The following SORCS2 variants were observed in gnomAD, a reference collection of about 807,000 sequenced individuals.
SORCS2 encodes the protein sortilin related VPS10 domain containing receptor 2.
In SORCS2, 100 loss-of-function variants were observed where a neutral mutation model predicts 141.6. The ratio of observed to expected loss-of-function variants is 0.71; its 90% confidence interval spans 0.60 to 0.83. The LOEUF is 0.83. Ranked by LOEUF, SORCS2 falls within the 40% of genes least tolerant of loss-of-function variation. The pLI, the probability that SORCS2 is intolerant of heterozygous loss-of-function variation, is 0.00. For synonymous variants in SORCS2, 789 were observed against 676.9 expected, an observed-to-expected ratio of 1.17 and a Z score of -2.57; for missense variants, 1,646 against 1,560.2, an observed-to-expected ratio of 1.05 and a Z score of -0.93.
At chr4:7,696,876 G>A (rs561558183) in intron 11 of SORCS2, among the ~76,000 whole-genome samples, 10 of 152,292 alleles carry the variant, frequency 6.6e-5, no homozygotes, top group South Asian at 4.1e-4. Flanking sequence ...CCTGGCCCAC[G>A]TCCTCTCCAG....
At chr4:7,528,119 TGC>T (rs1249959766) in intron 2 of SORCS2, among the ~76,000 whole-genome samples, 22 of 30,324 alleles carry the variant, frequency 7.3e-4, no homozygotes, top group Non-Finnish European at 1.2e-3. Context: ...GTGTCCACGC[TGC>T]CCATGGATTC....
rs60976971 is a variant in SORCS2, at chr4:7,328,018, CT to C, written c.481-68245del. ...ACTGTGTGCTGAGCCTCGTGCTAGG[CT>C]TTTTTTTTTTTTTTTTTTTTTTTTG... On this transcript the variant is annotated intron_variant, in intron 1 of 26. Transcript: ENST00000507866. Among the ~76,000 whole-genome samples the C allele has an allele frequency of 8.3e-3, 731 of 88,532 alleles. 5 individuals carry two copies. Among genetic ancestry groups the C allele is most frequent in the African/African-American group, 0.017 (417 of 23,968 alleles). The allele number at this position is 88,532 out of a possible 152,430, so 58.1% of individuals were successfully genotyped here.
intron 1 of SORCS2, among the ~76,000 whole-genome samples, chr4:7,338,161 TTGGATGGATGGA>T (rs202176320): frequency 9.9e-6 from 1 of 100,948 alleles, no homozygotes; most frequent in African/African-American, 4.1e-5. Flanking sequence ...TGGATGTTGG[TTGGATGGATGGA>T]TGGATGGATG....
chr4:7,584,192 G>T (rs1043110835), intron 3 of SORCS2, among the ~76,000 whole-genome samples: 6 of 152,334 alleles, frequency 3.9e-5, no homozygotes, highest in East Asian at 1.9e-4. Context: ...ATCATTATTA[G>T]TAGTAGTAAC....
At chr4:7,507,385 G>C (rs1732334853) in intron 2 of SORCS2, among the ~76,000 whole-genome samples, 2 of 152,162 alleles carry the variant, frequency 1.3e-5, no homozygotes, top group Non-Finnish European at 1.5e-5. Flanking sequence ...GTGTTAGCCA[G>C]GATGGTCTCG....
intron 1 of SORCS2, among the ~76,000 whole-genome samples, chr4:7,296,476 A>AG (rs1476785962): frequency 1.3e-5 from 2 of 152,096 alleles, no homozygotes; most frequent in Non-Finnish European, 2.9e-5. Flanking sequence ...AGAGACAGAG[A>AG]GGGTTGGGGC....
rs1374809294 is a variant in SORCS2 at position 7,734,268 on chromosome 4, G to A, written c.3209-4G>A. 6.3e-7 allele frequency: 1 copy of A among 1,592,668 alleles called. No homozygotes were observed. The highest frequency in any genetic ancestry group is 1.1e-5 in the South Asian group (1 of 87,020). On this transcript the variant is annotated splice_polypyrimidine_tract_variant and splice_region_variant and intron_variant, in intron 24 of 26. Transcript: ENST00000507866. ...TCCTCCACTGACAACCGCTTTGCTT[G>A]CAGGTGCTGAGCAGCTGGGCGGCGG...
chr4:7,318,236 G>A (rs1490693313), intron 1 of SORCS2, among the ~76,000 whole-genome samples: 1 of 152,210 alleles, frequency 6.6e-6, no homozygotes, highest in Non-Finnish European at 1.5e-5. Flanking sequence ...GTAAGTCCCT[G>A]AAGATTATCC....
chr4:7,402,429 C>G (rs1724652546), intron 2 of SORCS2, among the ~76,000 whole-genome samples: 1 of 152,188 alleles, frequency 6.6e-6, no homozygotes, highest in Non-Finnish European at 1.5e-5. Context: ...TGCTGCTTAG[C>G]TTGTTTTGCA....
chr4:7,632,153 G>T (rs901151266), intron 3 of SORCS2, among the ~76,000 whole-genome samples: 12 of 152,284 alleles, frequency 7.9e-5, no homozygotes, highest in African/African-American at 2.9e-4. Context: ...CCATGTGTCT[G>T]CCCCTGACCA....
intron 10 of SORCS2, among the ~76,000 whole-genome samples, chr4:7,687,327 T>C (rs556319078): frequency 2.3e-4 from 35 of 152,302 alleles, no homozygotes; most frequent in African/African-American, 8.2e-4. Context: ...AAGTCGCCTC[T>C]GTCTTTCTGC....
intron 2 of SORCS2, among the ~76,000 whole-genome samples, chr4:7,499,826 AT>A (rs1731851516): frequency 6.6e-6 from 1 of 152,166 alleles, no homozygotes; most frequent in South Asian, 2.1e-4. Context: ...AGAGCAAACA[AT>A]CGGGGACCGA....
chr4:7,683,893 C>T (rs1723718220), intron 10 of SORCS2, among the ~76,000 whole-genome samples: 1 of 152,172 alleles, frequency 6.6e-6, no homozygotes, highest in Non-Finnish European at 1.5e-5. Context: ...TACCAGGGAT[C>T]CAGGTGGTGC....
intron 3 of SORCS2, among the ~76,000 whole-genome samples, chr4:7,538,332 T>G (rs551450389): frequency 6.6e-6 from 1 of 152,162 alleles, no homozygotes; most frequent in Non-Finnish European, 1.5e-5. Context: ...ACTATTGTCA[T>G]GGCTGGACCC....
chr4:7,661,684 C>G lies in SORCS2; in HGVS notation c.952+120C>G, dbSNP rs955204318. On this transcript the variant is annotated intron_variant, in intron 6 of 26. Transcript: ENST00000507866. ...GGCTGGCCCTACACAGCCGGCCTCA[C>G]TGTGTCTCGATGTGGCATGATTTTA... The G allele has an allele frequency of 4.5e-6, 4 of 898,488 alleles. No homozygotes were observed. In the African/African-American group the frequency reaches 6.9e-5, roughly 15 times the overall value. The allele number at this position is 898,488 out of a possible 1,614,324, so 55.7% of individuals were successfully genotyped here.
chr4:7,677,408 C>T (rs1054805924), intron 9 of SORCS2, among the ~76,000 whole-genome samples: 1 of 152,252 alleles, frequency 6.6e-6, no homozygotes, highest in Non-Finnish European at 1.5e-5. Context: ...AACTGAGGCT[C>T]AGAGAAGGCA....
chr4:7,390,604 G>A (rs187804510), intron 1 of SORCS2, among the ~76,000 whole-genome samples: 27 of 152,298 alleles, frequency 1.8e-4, no homozygotes, highest in Admixed American at 3.3e-4. Flanking sequence ...GGCCATTGCC[G>A]TGCTGCTGAA....
intron 2 of SORCS2, among the ~76,000 whole-genome samples, chr4:7,411,517 C>A (rs1725307943): frequency 6.6e-6 from 1 of 152,014 alleles, no homozygotes; most frequent in South Asian, 2.1e-4. Flanking sequence ...CTTTGCTCCT[C>A]TCTCCCTCCT....
At chr4:7,540,162 CTCCCT>C in intron 3 of SORCS2, among the ~76,000 whole-genome samples, 1 of 1,586 alleles carries the variant, frequency 6.3e-4, no homozygotes, top group African/African-American at 8.8e-4. Flanking sequence ...GCCCCTGCCT[CTCCCT>C]GCCCCTCCCT....
Sources: gnomAD v4.1 joint callset for allele counts (sites outside exome capture counted in the v4.1 genomes callset) on GRCh38, gnomAD v4.1.1 for gene constraint, MANE v1.5 for transcripts, NCBI Gene and HGNC (gene_info 2026-07-23, HGNC 2026-07-21) for gene names.